Variants in LIN28B observed in about 807,000 individuals in gnomAD.
The protein encoded by LIN28B is lin-28 RNA binding posttranscriptional regulator B.
LIN28B carries 5 observed loss-of-function variants against 21.9 expected under a neutral mutation model. That is an observed-to-expected ratio of 0.23 (90% CI 0.12 to 0.48). The LOEUF is 0.48. Among genes scored for constraint, LIN28B ranks in the 20% least tolerant of loss-of-function variants. The pLI, the probability that LIN28B is intolerant of heterozygous loss-of-function variation, is 0.98. For synonymous variants in LIN28B, 109 were observed against 111.3 expected (o/e 0.98, Z 0.13); for missense variants, 245 against 310.5 (o/e 0.79, Z 1.58).
At chr6:104,996,245 A>G (rs1171843782) in intron 2 of LIN28B, among the ~76,000 whole-genome samples, 3 of 152,184 alleles carry the variant, frequency 2.0e-5, no homozygotes, top group African/African-American at 7.2e-5. Context: ...TCTTATCTAG[A>G]AAGAGGAATA....
chr6:104,977,444 A>G (rs1299505371), intron 2 of LIN28B, among the ~76,000 whole-genome samples: 1 of 152,220 alleles, frequency 6.6e-6, no homozygotes, highest in Non-Finnish European at 1.5e-5. Context: ...TGGGTCATTT[A>G]TCATAGACCG....
chr6:105,028,418 AAAG>A (rs778738650), intron 3 of LIN28B, among the ~76,000 whole-genome samples: 28 of 152,216 alleles, frequency 1.8e-4, no homozygotes, highest in Non-Finnish European at 3.8e-4. Context: ...AAAGACCACT[AAAG>A]AAGAAGTTCC....
chr6:104,966,810 A>G (rs901512684), intron 2 of LIN28B, among the ~76,000 whole-genome samples: 1 of 152,010 alleles, frequency 6.6e-6, no homozygotes. Context: ...TTTAGTAGAG[A>G]TGGGGTTTCA....
At chr6:105,004,275 C>T (rs1473103453) in intron 2 of LIN28B, among the ~76,000 whole-genome samples, 2 of 152,166 alleles carry the variant, frequency 1.3e-5, no homozygotes, top group African/African-American at 4.8e-5. Flanking sequence ...CAGACACACC[C>T]AGGATCAATA....
chr6:104,966,496 C>T (rs1415245150), intron 2 of LIN28B, among the ~76,000 whole-genome samples: 1 of 151,868 alleles, frequency 6.6e-6, no homozygotes. Context: ...TGCTCTTGCT[C>T]AGGCTGGAGT....
intron 3 of LIN28B, among the ~76,000 whole-genome samples, chr6:105,074,775 G>T (rs760191533): frequency 3.9e-5 from 6 of 152,076 alleles, no homozygotes; most frequent in Non-Finnish European, 7.4e-5. Flanking sequence ...AATCAATCTT[G>T]GCTCACTGCA....
At chr6:105,026,550 A>G (rs1185022980) in intron 3 of LIN28B, 68 bp downstream of exon 3, 1 of 1,010,496 alleles carries the variant, frequency 9.9e-7, no homozygotes, top group Admixed American at 2.4e-5. Flanking sequence ...AAATGTTTTC[A>G]TCTTACTGCA....
intron 2 of LIN28B, among the ~76,000 whole-genome samples, chr6:104,960,398 A>G (rs1769708789): frequency 6.6e-6 from 1 of 152,092 alleles, no homozygotes; most frequent in South Asian, 2.1e-4. Flanking sequence ...TTTAAAAAAC[A>G]TTTTTATTAT....
chr6:105,048,651 T>A (rs1202036109), intron 3 of LIN28B, among the ~76,000 whole-genome samples: 1 of 152,194 alleles, frequency 6.6e-6, no homozygotes, highest in East Asian at 1.9e-4. Flanking sequence ...GCTCCTGGAC[T>A]TTTTTTGGTT....
chr6:105,033,617 AT>A (rs1195926133), intron 3 of LIN28B, among the ~76,000 whole-genome samples: 2 of 151,922 alleles, frequency 1.3e-5, no homozygotes, highest in East Asian at 1.9e-4. Flanking sequence ...ATAATTTCTG[AT>A]TTTTTTCTAT....
intron 2 of LIN28B, among the ~76,000 whole-genome samples, chr6:104,976,833 C>T (rs1335403496): frequency 6.6e-6 from 1 of 152,176 alleles, no homozygotes; most frequent in Non-Finnish European, 1.5e-5. Context: ...AGATGAAGCT[C>T]AAGCCAAGGT....
At chr6:105,063,592 C>T (rs1184979049) in intron 3 of LIN28B, among the ~76,000 whole-genome samples, 7 of 139,200 alleles carry the variant, frequency 5.0e-5, no homozygotes, top group South Asian at 4.4e-4. Flanking sequence ...GCCGAGATTG[C>T]GCCACTGCAC....
At chr6:105,075,516 G>T (rs1772407773) in intron 3 of LIN28B, among the ~76,000 whole-genome samples, 1 of 152,144 alleles carries the variant, frequency 6.6e-6, no homozygotes, top group African/African-American at 2.4e-5. Flanking sequence ...TTAAGGCTAA[G>T]CACATAGACA....
intron 3 of LIN28B, among the ~76,000 whole-genome samples, chr6:105,048,185 T>C (rs1252668282): frequency 1.3e-5 from 2 of 152,234 alleles, no homozygotes; most frequent in Non-Finnish European, 2.9e-5. Context: ...TATTTTGAGA[T>C]ACGTCCCATC....
upstream of LIN28B, among the ~76,000 whole-genome samples, chr6:104,956,180 T>A (rs769661997): frequency 3.9e-5 from 6 of 152,040 alleles, no homozygotes; most frequent in Non-Finnish European, 7.4e-5. Flanking sequence ...CCTCTTTCTT[T>A]GACTCTGCTG....
intron 3 of LIN28B, among the ~76,000 whole-genome samples, chr6:105,026,940 A>G (rs1475682139): frequency 2.0e-5 from 3 of 152,180 alleles, no homozygotes; most frequent in South Asian, 2.1e-4. Context: ...ATTATAATAT[A>G]TATGGTATTT....
chr6:105,003,932 A>G (rs1389908365), intron 2 of LIN28B, among the ~76,000 whole-genome samples: 1 of 152,216 alleles, frequency 6.6e-6, no homozygotes, highest in Non-Finnish European at 1.5e-5. Context: ...AGATATAAAT[A>G]TATAGATATA....
chr6:104,974,684 G>C (rs1446630696), intron 2 of LIN28B, among the ~76,000 whole-genome samples: 1 of 151,518 alleles, frequency 6.6e-6, no homozygotes. Context: ...TATACTTGTT[G>C]ACTAGTTTGA....
chr6:105,030,611 T>G (rs1771401986), intron 3 of LIN28B, among the ~76,000 whole-genome samples: 1 of 148,036 alleles, frequency 6.8e-6, no homozygotes, highest in South Asian at 2.2e-4. Flanking sequence ...TTTTTTTTTT[T>G]TTGGAGACAG....
Sources: allele counts gnomAD v4.1 joint callset (sites outside exome capture counted in the v4.1 genomes callset), GRCh38; gene constraint gnomAD v4.1.1; transcripts MANE v1.5; gene names NCBI Gene and HGNC (gene_info 2026-07-23, HGNC 2026-07-21).